The following CADM2 variants were observed in gnomAD, a reference collection of about 807,000 sequenced individuals.
CADM2 encodes the protein cell adhesion molecule 2.
In CADM2, 12 loss-of-function variants were observed where a neutral mutation model predicts 49.8. The observed-to-expected ratio is 0.24, with a 90% CI of 0.15 to 0.39. CADM2 has a LOEUF of 0.39. Ranked by LOEUF, CADM2 falls within the 10% of genes least tolerant of loss-of-function variation. The probability of loss-of-function intolerance (pLI) is 1.00; values close to 1 mark genes in which losing one functional copy is unlikely to be tolerated. For missense variants in CADM2, 378 were observed against 492.3 expected, an observed-to-expected ratio of 0.77 and a Z score of 2.20; for synonymous variants, 214 against 175.4, an observed-to-expected ratio of 1.22 and a Z score of -1.74.
intron 1 of CADM2, among the ~76,000 whole-genome samples, chr3:85,025,065 C>G (rs1000492257): frequency 5.3e-5 from 8 of 151,984 alleles, no homozygotes; most frequent in Non-Finnish European, 1.2e-4. Context: ...AACTAACTTA[C>G]TCTTTGTCAG....
At chr3:85,260,942 A>G (rs2043001714) in intron 1 of CADM2, among the ~76,000 whole-genome samples, 1 of 152,142 alleles carries the variant, frequency 6.6e-6, no homozygotes. Context: ...AAATCTTACA[A>G]TTAGCCGTGA....
chr3:85,220,783 A>T (rs975770049), intron 1 of CADM2, among the ~76,000 whole-genome samples: 1 of 150,430 alleles, frequency 6.6e-6, no homozygotes, highest in East Asian at 1.9e-4. Flanking sequence ...AGAAGTTCCA[A>T]TTGAGGAAGA....
chr3:86,057,008 C>CA (rs1336670738), intron 8 of CADM2, among the ~76,000 whole-genome samples: 50 of 152,294 alleles, frequency 3.3e-4, no homozygotes, highest in African/African-American at 1.2e-3. Flanking sequence ...AGTTTCTACA[C>CA]ATATTACGTA....
chr3:85,250,054 T>C (rs1336902695), intron 1 of CADM2, among the ~76,000 whole-genome samples: 1 of 151,860 alleles, frequency 6.6e-6, no homozygotes, highest in African/African-American at 2.4e-5. Context: ...TGTAGGCCAT[T>C]ATTTCAGTTT....
At chr3:85,028,828 G>A (rs1021259596) in intron 1 of CADM2, among the ~76,000 whole-genome samples, 3 of 151,674 alleles carry the variant, frequency 2.0e-5, no homozygotes, top group African/African-American at 7.3e-5. Flanking sequence ...TCCACTACAG[G>A]ACTGTCATTC....
At chr3:85,946,262 G>A (rs529952265) in intron 7 of CADM2, among the ~76,000 whole-genome samples, 1 of 150,988 alleles carries the variant, frequency 6.6e-6, no homozygotes, top group African/African-American at 2.4e-5. Context: ...ACAAACCACT[G>A]CTCAACTAAA....
At chr3:85,115,419 G>T (rs986641453) in intron 1 of CADM2, among the ~76,000 whole-genome samples, 81 of 152,220 alleles carry the variant, frequency 5.3e-4, no homozygotes, top group African/African-American at 1.9e-3. Context: ...TATTTATAAA[G>T]CAAGTATGAG....
chr3:85,789,413 T>C (rs577403129), intron 2 of CADM2, among the ~76,000 whole-genome samples: 1 of 152,326 alleles, frequency 6.6e-6, no homozygotes, highest in East Asian at 1.9e-4. Flanking sequence ...GTATACATAA[T>C]AATTACCATG....
At chr3:85,776,230 C>A (rs983912326) in intron 2 of CADM2, among the ~76,000 whole-genome samples, 11 of 151,358 alleles carry the variant, frequency 7.3e-5, no homozygotes, top group Admixed American at 2.6e-4. Context: ...AAAAATACAT[C>A]TTTAAGTTTT....
At chr3:85,625,270 T>C (rs1340802925) in intron 1 of CADM2, among the ~76,000 whole-genome samples, 1 of 152,126 alleles carries the variant, frequency 6.6e-6, no homozygotes, top group Non-Finnish European at 1.5e-5. Flanking sequence ...TTTTTGCATA[T>C]TATTTCCTCT....
At chr3:85,070,332 T>C (rs1436141810) in intron 1 of CADM2, among the ~76,000 whole-genome samples, 1 of 152,190 alleles carries the variant, frequency 6.6e-6, no homozygotes, top group Non-Finnish European at 1.5e-5. Flanking sequence ...TCTTTTTATT[T>C]ATTTAGCACA....
chr3:85,403,772 C>T (rs2035236624), intron 1 of CADM2, among the ~76,000 whole-genome samples: 1 of 152,226 alleles, frequency 6.6e-6, no homozygotes, highest in Non-Finnish European at 1.5e-5. Context: ...AAGTATTTCT[C>T]TCATAAGTTC....
At chr3:86,013,545 A>G in intron 8 of CADM2, 1 of 1,605,150 alleles carries the variant, frequency 6.2e-7, no homozygotes, top group Non-Finnish European at 8.5e-7. Context: ...AACACAGCAG[A>G]GGCAGATGGT....
chr3:85,141,704 A>G (rs1287568457), intron 1 of CADM2, among the ~76,000 whole-genome samples: 1 of 152,228 alleles, frequency 6.6e-6, no homozygotes, highest in Non-Finnish European at 1.5e-5. Context: ...TGGAAATAGT[A>G]TAAATTCCAT....
At chr3:85,144,430 G>T (rs1306791390) in intron 1 of CADM2, among the ~76,000 whole-genome samples, 1 of 151,930 alleles carries the variant, frequency 6.6e-6, no homozygotes, top group African/African-American at 2.4e-5. Context: ...TGGCCAACGT[G>T]ATGAAACCCT....
chr3:85,633,539 T>A (rs1242729413), intron 1 of CADM2, among the ~76,000 whole-genome samples: 2 of 152,024 alleles, frequency 1.3e-5, no homozygotes, highest in African/African-American at 4.8e-5. Flanking sequence ...CACAAACCAA[T>A]TAGATCTGAA....
intron 1 of CADM2, among the ~76,000 whole-genome samples, chr3:85,666,932 A>G (rs1489494639): frequency 6.6e-6 from 1 of 152,070 alleles, no homozygotes; most frequent in Admixed American, 6.6e-5. Flanking sequence ...ATATTCTAAA[A>G]TAAAACTCTA....
At chr3:85,573,492 G>A (rs935879117) in intron 1 of CADM2, among the ~76,000 whole-genome samples, 2 of 151,976 alleles carry the variant, frequency 1.3e-5, no homozygotes, top group Admixed American at 6.6e-5. Context: ...GTGAGCCACC[G>A]CTCCCAGCCT....
At chr3:85,293,919 G>A (rs1369975190) in intron 1 of CADM2, among the ~76,000 whole-genome samples, 1 of 152,070 alleles carries the variant, frequency 6.6e-6, no homozygotes, top group Non-Finnish European at 1.5e-5. Context: ...ATTCAACATA[G>A]TGTTGGAAGT....
Sources: allele counts gnomAD v4.1 joint callset (sites outside exome capture counted in the v4.1 genomes callset), GRCh38; gene constraint gnomAD v4.1.1; transcripts MANE v1.5; gene names NCBI Gene and HGNC (gene_info 2026-07-23, HGNC 2026-07-21).